Variants in DUSP16 observed in about 807,000 individuals in gnomAD.
The protein encoded by DUSP16 is dual specificity protein phosphatase 16.
A neutral mutation model predicts 58.3 loss-of-function variants in DUSP16; 21 were observed. The observed-to-expected ratio is 0.36, with a 90% CI of 0.26 to 0.52. DUSP16 has a LOEUF of 0.52. DUSP16 is among the 20% of genes least tolerant of loss of function. The probability of loss-of-function intolerance (pLI) is 0.94; values close to 1 mark genes in which losing one functional copy is unlikely to be tolerated. For synonymous variants in DUSP16, 320 were observed against 323.8 expected, an observed-to-expected ratio of 0.99 and a Z score of 0.12; for missense variants, 726 against 819.0, an observed-to-expected ratio of 0.89 and a Z score of 1.39.
intron 5 of DUSP16, among the ~76,000 whole-genome samples, chr12:12,483,027 G>A (rs982999791): frequency 3.9e-5 from 6 of 152,140 alleles, no homozygotes; most frequent in African/African-American, 7.2e-5. Context: ...CCTTTTTAAC[G>A]CAGAAAACTA....
chr12:12,530,664 A>G (rs1435050502), intron 1 of DUSP16, among the ~76,000 whole-genome samples: 1 of 152,224 alleles, frequency 6.6e-6, no homozygotes, highest in Admixed American at 6.5e-5. Context: ...GTTCCTATAC[A>G]GTGCATTTCT....
At chr12:12,478,159 C>G in intron 6 of DUSP16, 144 bp from the exon 7 acceptor site, 1 of 770,944 alleles carries the variant, frequency 1.3e-6, no homozygotes, top group South Asian at 1.8e-5. Flanking sequence ...CGGGGAGATG[C>G]TTCAAGGTGG....
chr12:12,505,153 T>C (rs1192239412), intron 3 of DUSP16, among the ~76,000 whole-genome samples: 2 of 152,194 alleles, frequency 1.3e-5, no homozygotes, highest in Non-Finnish European at 2.9e-5. Context: ...AATCACATAA[T>C]ATAGGCTCAG....
intron 6 of DUSP16, among the ~76,000 whole-genome samples, chr12:12,479,863 T>C (rs1185506844): frequency 6.6e-6 from 1 of 152,238 alleles, no homozygotes; most frequent in Non-Finnish European, 1.5e-5. Flanking sequence ...GATTCTGCAG[T>C]GAGCATTCTA....
intron 3 of DUSP16, among the ~76,000 whole-genome samples, chr12:12,507,545 A>G (rs947455347): frequency 9.9e-5 from 15 of 152,246 alleles, no homozygotes; most frequent in African/African-American, 3.4e-4. Flanking sequence ...TAACTTTTGT[A>G]TTTTAAATCA....
chr12:12,555,276 G>A (rs984396859), intron 1 of DUSP16, among the ~76,000 whole-genome samples: 4 of 152,178 alleles, frequency 2.6e-5, no homozygotes, highest in Non-Finnish European at 5.9e-5. Context: ...TGAGCACATG[G>A]CTCAAATAAG....
At chr12:12,505,868 A>G (rs1943987925) in intron 3 of DUSP16, among the ~76,000 whole-genome samples, 1 of 152,272 alleles carries the variant, frequency 6.6e-6, no homozygotes, top group African/African-American at 2.4e-5. Context: ...ACTGATATCT[A>G]GAACAAACTC....
At chr12:12,537,628 G>T (rs58978177) in intron 1 of DUSP16, among the ~76,000 whole-genome samples, 7,281 of 152,172 alleles carry the variant, frequency 0.048, 192 homozygotes, top group Middle Eastern at 0.075. Context: ...CTAAAACATA[G>T]TCCACGGCAT....
chr12:12,540,927 T>G (rs1437808263), intron 1 of DUSP16, among the ~76,000 whole-genome samples: 1 of 118,500 alleles, frequency 8.4e-6, no homozygotes, highest in Non-Finnish European at 1.8e-5. Flanking sequence ...GACAGTTGCT[T>G]TTTTTTCTTT....
chr12:12,528,916 TGA>T (rs1944343948), intron 1 of DUSP16, among the ~76,000 whole-genome samples: 1 of 152,122 alleles, frequency 6.6e-6, no homozygotes, highest in South Asian at 2.1e-4. Flanking sequence ...CTTGAGAACA[TGA>T]GAGAGGAGAG....
Position 12,477,652 on chromosome 12 carries a change from G to C in DUSP16, c.1179C>G (p.Ser393Arg), listed in dbSNP as rs1943477325. 1.9e-6 allele frequency: 3 copies of C among 1,614,192 alleles called. No homozygotes were observed. The highest frequency in any genetic ancestry group is 2.5e-6 in the Non-Finnish European group (3 of 1,180,028). The change falls in exon 7 of 7, where the codon AGC becomes AGG. Residue 393 changes from serine to arginine, a missense_variant. Physicochemically the swap from Ser to Arg is moderately radical, Grantham distance 110. Transcript: ENST00000298573. This position sits in a 1 kb window ranked among gnomAD's most constrained non-coding sequence, Gnocchi z 4.1. Reference protein sequence around the residue: ...LHLSADRLEDSNKLKRSFSLD... With the variant: ...LHLSADRLEDRNKLKRSFSLD... ...GAGAGAAGGAACGCTTGAGCTTATT[G>C]CTGTCTTCCAGCCTGTCTGCGGACA...
intron 1 of DUSP16, among the ~76,000 whole-genome samples, chr12:12,537,182 CTATA>C (rs1315203632): frequency 1.3e-5 from 2 of 151,852 alleles, no homozygotes; most frequent in African/African-American, 2.4e-5. Flanking sequence ...TAACAGAAAA[CTATA>C]TATATTTTTA....
intron 1 of DUSP16, among the ~76,000 whole-genome samples, chr12:12,524,168 T>C (rs1408937147): frequency 6.6e-6 from 1 of 152,210 alleles, no homozygotes; most frequent in Non-Finnish European, 1.5e-5. Context: ...GAGCAGAGAA[T>C]GTCATTCTTG....
intron 1 of DUSP16, among the ~76,000 whole-genome samples, chr12:12,541,813 C>A (rs1459620317): frequency 7.8e-6 from 1 of 127,472 alleles, no homozygotes; most frequent in South Asian, 2.6e-4. Flanking sequence ...TGCACATATA[C>A]CCCAAATCTA....
At chr12:12,543,223 A>G (rs937269739) in intron 1 of DUSP16, among the ~76,000 whole-genome samples, 1 of 152,222 alleles carries the variant, frequency 6.6e-6, no homozygotes, top group African/African-American at 2.4e-5. Context: ...GTATTAAATC[A>G]ATGTCAGGTT....
At chr12:12,529,645 CTAAA>C (rs954982627) in intron 1 of DUSP16, among the ~76,000 whole-genome samples, 5 of 152,156 alleles carry the variant, frequency 3.3e-5, no homozygotes, top group Admixed American at 3.3e-4. Flanking sequence ...CGTATTTCTC[CTAAA>C]TAATTATTTA....
At chr12:12,558,636 T>A (rs948204365) in intron 1 of DUSP16, among the ~76,000 whole-genome samples, 2 of 152,168 alleles carry the variant, frequency 1.3e-5, no homozygotes, top group Admixed American at 1.3e-4. Context: ...TGCCTTAGCC[T>A]CTTAAAGTGC....
At chr12:12,522,538 A>G (rs1341519465) in intron 1 of DUSP16, among the ~76,000 whole-genome samples, 1 of 151,224 alleles carries the variant, frequency 6.6e-6, no homozygotes, top group Admixed American at 6.6e-5. Context: ...CTACATGTCT[A>G]CTTCTGGCAC....
In DUSP16 at chr12:12,505,955, GTCCCAGACTGGC is replaced by G. The variant is rs1411038949; in HGVS notation, c.368-5285_368-5274del. The G allele has an allele frequency of 3.3e-5, 5 of 152,280 alleles. No homozygotes were observed. The East Asian group carries it at 7.7e-4, about 23-fold the overall frequency. 9.4% of individuals were successfully genotyped at this position (152,280 alleles called of 1,614,324 possible). ...TTTAGTGCTCAGTTTGGCTTGAAAT[GTCCCAGACTGGC>G]TCCCAGTCACTTCCAGAAAACCCTA... is the stretch of plus-strand genomic sequence containing the variant. On this transcript the variant is annotated intron_variant, in intron 3 of 6. Coordinates refer to ENST00000298573, the MANE Select transcript of DUSP16 (RefSeq NM_030640.3).
Sources: gnomAD v4.1 joint callset for allele counts (sites outside exome capture counted in the v4.1 genomes callset) on GRCh38, gnomAD v4.1.1 for gene constraint, Gnocchi (gnomAD v3.1) non-coding constraint, MANE v1.5 for transcripts, NCBI Gene and HGNC (gene_info 2026-07-23, HGNC 2026-07-21) for gene names.